MAST2: variants seen among roughly 807,000 people sequenced by gnomAD.
MAST2 encodes the protein microtubule associated serine/threonine kinase 2.
In MAST2, 70 loss-of-function variants were observed where a neutral mutation model predicts 147.4. The observed-to-expected ratio is 0.47, with a 90% CI of 0.39 to 0.58. The LOEUF is 0.58. MAST2 is among the 20% of genes least tolerant of loss of function. The pLI is 0.00. For synonymous variants in MAST2, 869 were observed against 896.8 expected (o/e 0.97, Z 0.55); for missense variants, 2,080 against 2,302.3 (o/e 0.90, Z 1.98).
At chr1:45,951,196 G>A (rs1557953451) in intron 4 of MAST2, among the ~76,000 whole-genome samples, 2 of 152,086 alleles carry the variant, frequency 1.3e-5, no homozygotes, top group South Asian at 4.1e-4. Context: ...ACCCTAGCCT[G>A]GATGACAGAG....
intron 4 of MAST2, among the ~76,000 whole-genome samples, chr1:45,906,376 A>G (rs1650729012): frequency 6.6e-6 from 1 of 152,034 alleles, no homozygotes; most frequent in African/African-American, 2.4e-5. Flanking sequence ...AAAAAGAAAT[A>G]ATAAATTTAA....
rs751132439 is a variant in MAST2 at position 45,826,852 on chromosome 1, C to T, written c.325+2272C>T. ...TTTTTATTTATTTATTTATTTTTGA[C>T]GGAGTCTTACTCTGTCACCAGGCTG... On this transcript the variant is annotated intron_variant, in intron 2 of 28. Transcript: ENST00000361297. Among the ~76,000 whole-genome samples the T allele has an allele frequency of 4.6e-5, 7 of 151,938 alleles. No homozygotes were observed. The East Asian group carries it at 5.8e-4, about 13-fold the overall frequency.
intron 5 of MAST2, among the ~76,000 whole-genome samples, chr1:45,976,995 G>C (rs899456930): frequency 3.3e-5 from 5 of 152,280 alleles, no homozygotes; most frequent in African/African-American, 1.2e-4. Flanking sequence ...AAAATCCATT[G>C]GATGTTTGTA....
chr1:45,864,445 G>C (rs1646078415), intron 3 of MAST2, among the ~76,000 whole-genome samples: 1 of 152,154 alleles, frequency 6.6e-6, no homozygotes. Context: ...TGAGTCTAGC[G>C]ATAAAGAAAC....
chr1:45,953,520 G>A (rs1275645588), intron 4 of MAST2, among the ~76,000 whole-genome samples: 2 of 152,278 alleles, frequency 1.3e-5, no homozygotes, highest in African/African-American at 2.4e-5. Flanking sequence ...GATGACAAAT[G>A]CTATTGGGAA....
At chr1:45,969,636 C>G (rs1468361744) in intron 5 of MAST2, among the ~76,000 whole-genome samples, 1 of 151,832 alleles carries the variant, frequency 6.6e-6, no homozygotes, top group Non-Finnish European at 1.5e-5. Context: ...CACTGTCTCC[C>G]ATGACCCCCA....
chr1:45,932,273 G>A (rs1557926093), intron 4 of MAST2, among the ~76,000 whole-genome samples: 1 of 152,068 alleles, frequency 6.6e-6, no homozygotes, highest in African/African-American at 2.4e-5. Context: ...GTCACCAAAT[G>A]GTATTTTTAC....
intron 3 of MAST2, among the ~76,000 whole-genome samples, chr1:45,864,848 A>G (rs965485584): frequency 1.3e-5 from 2 of 152,240 alleles, no homozygotes; most frequent in Non-Finnish European, 2.9e-5. Flanking sequence ...TGCATGGAAA[A>G]TGAAAACAAA....
chr1:45,947,167 A>T (rs570423765), intron 4 of MAST2, among the ~76,000 whole-genome samples: 133 of 152,276 alleles, frequency 8.7e-4, no homozygotes, highest in Non-Finnish European at 1.6e-3. Flanking sequence ...TCGCTGCTTC[A>T]TAGGGTGTGA....
chr1:46,017,296 A>G (rs1189210325), intron 10 of MAST2, among the ~76,000 whole-genome samples: 1 of 152,240 alleles, frequency 6.6e-6, no homozygotes, highest in Non-Finnish European at 1.5e-5. Flanking sequence ...CACCAAAAGC[A>G]ATGGCAACAA....
chr1:46,010,814 C>T lies in MAST2; in HGVS notation c.1063C>T (p.Leu355=). The part of the protein sequence containing the change: ...DSVLPLADGA[L]SFIHHQVIEM... The stretch of plus-strand genomic sequence containing the variant: ...CGTGCTGCCCTTGGCAGATGGAGCC[C>T]TGAGCTTTATTCATCATCAGGTGAT... The change falls in exon 10 of 29, where the codon CTG becomes TTG. Residue 355 remains leucine, a synonymous_variant. Transcript: ENST00000361297. The T allele has an allele frequency of 6.2e-7, 1 of 1,614,212 alleles. No individual in the cohort carries two copies. The highest frequency in any genetic ancestry group is 8.5e-7 in the Non-Finnish European group (1 of 1,180,034).
intron 4 of MAST2, among the ~76,000 whole-genome samples, chr1:45,907,772 A>G (rs187808109): frequency 2.1e-4 from 32 of 152,154 alleles, no homozygotes; most frequent in Admixed American, 1.7e-3. Flanking sequence ...TTCTTTTTCT[A>G]TGCATTTGCC....
At chr1:46,032,529 G>A in intron 25 of MAST2, 67 bp from the exon 26 acceptor site, 1 of 1,601,584 alleles carries the variant, frequency 6.2e-7, no homozygotes, top group Non-Finnish European at 8.5e-7. Flanking sequence ...ACAGCTTAAT[G>A]TCCAGAACCA....
intron 1 of MAST2, 126 bp downstream of exon 1, chr1:45,804,198 G>T: frequency 2.6e-6 from 3 of 1,139,852 alleles, no homozygotes; most frequent in Non-Finnish European, 3.3e-6. Flanking sequence ...GGGAGGAGTG[G>T]GAGGTCTGGG....
chr1:45,805,173 C>T (rs891268346), intron 1 of MAST2, among the ~76,000 whole-genome samples: 5 of 152,062 alleles, frequency 3.3e-5, no homozygotes, highest in African/African-American at 4.8e-5. Context: ...CTCAGCCTCC[C>T]GGCTAGCTGG....
chr1:45,875,235 C>T (rs962324605), intron 3 of MAST2, among the ~76,000 whole-genome samples: 6 of 152,158 alleles, frequency 3.9e-5, no homozygotes, highest in African/African-American at 1.4e-4. Context: ...CACCTGGGGT[C>T]AGGAGTTCGA....
At chr1:46,034,367 A>T in intron 28 of MAST2, 101 bp downstream of exon 28, 1 of 1,395,052 alleles carries the variant, frequency 7.2e-7, no homozygotes, top group South Asian at 1.4e-5. Flanking sequence ...TCTCTCATTT[A>T]GCCCACCCCC....
intron 3 of MAST2, among the ~76,000 whole-genome samples, chr1:45,855,295 T>C (rs1356967580): frequency 6.7e-6 from 1 of 150,314 alleles, no homozygotes; most frequent in African/African-American, 2.5e-5. Flanking sequence ...ATTTTTATTA[T>C]AAATCACGAT....
chr1:46,001,743 G>C (rs1645282174), intron 6 of MAST2, among the ~76,000 whole-genome samples: 1 of 152,194 alleles, frequency 6.6e-6, no homozygotes, highest in Non-Finnish European at 1.5e-5. Flanking sequence ...GTGGGGAGGA[G>C]TGCTTCGAAG....
Sources: allele counts gnomAD v4.1 joint callset (sites outside exome capture counted in the v4.1 genomes callset), GRCh38; gene constraint gnomAD v4.1.1; transcripts MANE v1.5; gene names NCBI Gene and HGNC (gene_info 2026-07-23, HGNC 2026-07-21).